The following CNIH3 variants were observed in gnomAD, a reference collection of about 807,000 sequenced individuals.
CNIH3 encodes protein cornichon homolog 3.
Under a neutral mutation model 24.1 loss-of-function variants are expected in CNIH3, and 14 were observed. That is an observed-to-expected ratio of 0.58 (90% CI 0.38 to 0.91). CNIH3 has a LOEUF of 0.91. Ranked by LOEUF, CNIH3 falls within the 40% of genes least tolerant of loss-of-function variation. The pLI is 0.00. For missense variants in CNIH3, 178 were observed against 196.8 expected, an observed-to-expected ratio of 0.90 and a Z score of 0.57; for synonymous variants, 68 against 73.8, an observed-to-expected ratio of 0.92 and a Z score of 0.40.
chr1:224,565,720 G>A (rs2201937), intron 3 of CNIH3: 90,456 of 152,612 alleles, frequency 0.59, 28,964 homozygotes, highest in African/African-American at 0.84. Context: ...TGAGCCCCCA[G>A]GCCTGGTGCT....
chr1:224,627,337 T>G (rs1353595621), intron 1 of CNIH3, among the ~76,000 whole-genome samples: 1 of 149,426 alleles, frequency 6.7e-6, no homozygotes. Context: ...GCAATTCTCC[T>G]GCCTCAGCCT....
intron 3 of CNIH3, among the ~76,000 whole-genome samples, chr1:224,598,893 G>A (rs145454353): frequency 1.2e-3 from 179 of 152,218 alleles, no homozygotes; most frequent in African/African-American, 4.1e-3. Flanking sequence ...ACTTTATTGT[G>A]GTGGTCTGCA....
In CNIH3 at chr1:224,617,258, G is replaced by A. The variant is rs1683052965; in HGVS notation, c.81+3G>A. 1 of 1,613,774 alleles carries A rather than the reference G, an allele frequency of 6.2e-7. No homozygotes were observed. The highest frequency in any genetic ancestry group is 1.7e-5 in the Admixed American group (1 of 59,950). ...TCATCTTCTTCGCCATCTGGCACGT[G>A]AGTAACACGCTTTGGTCTCTCTTCT... On this transcript the variant is annotated splice_donor_region_variant and intron_variant, in intron 1 of 5. Transcript: ENST00000272133.
intron 1 of CNIH3, among the ~76,000 whole-genome samples, chr1:224,626,166 C>T (rs1475303023): frequency 2.6e-5 from 4 of 152,196 alleles, no homozygotes; most frequent in Non-Finnish European, 5.9e-5. Flanking sequence ...GTGAGCTCTG[C>T]TACAAATAGT....
rs1387025116 is a variant in CNIH3 at position 224,734,718 on chromosome 1, C to T, written c.455+12C>T. 1 of 1,613,506 alleles carries T rather than the reference C, an allele frequency of 6.2e-7. No homozygotes were observed. The highest frequency in any genetic ancestry group is 1.1e-5 in the South Asian group (1 of 91,056). ...TACTACCTTTACTGGTGAGTATCTGCCCCTCCTGGTGGTTTTGACTCCTGC... is the reference window on the plus strand; with the variant it reads ...TACTACCTTTACTGGTGAGTATCTGTCCCTCCTGGTGGTTTTGACTCCTGC... On this transcript the variant is annotated intron_variant, in intron 5 of 5. Transcript: ENST00000272133.
intron 1 of CNIH3, among the ~76,000 whole-genome samples, chr1:224,462,182 G>T: frequency 6.6e-6 from 1 of 152,004 alleles, no homozygotes; most frequent in Non-Finnish European, 1.5e-5. Flanking sequence ...TCAGTCCATA[G>T]TTTACAGTAG....
rs71170028 is a variant in CNIH3 at position 224,674,272 on chromosome 1, G to GTTTTTTTTTTTT, written c.82-6662_82-6651dup. ...AATCGTTTCTTCATCTTCCAGGAAG[G>GTTTTTTTTTTTT]TTTTTTTTTTTTTTTTTTTTTTTTT... On this transcript the variant is annotated intron_variant, in intron 1 of 5. Coordinates refer to ENST00000272133, the MANE Select transcript of CNIH3 (RefSeq NM_152495.2). Among the ~76,000 whole-genome samples the GTTTTTTTTTTTT allele has an allele frequency of 2.9e-4, 21 of 72,078 alleles. 2 individuals are homozygous for GTTTTTTTTTTTT. The highest frequency in any genetic ancestry group is 4.3e-4 in the African/African-American group (8 of 18,654). The allele number at this position is 72,078 out of a possible 152,430, so 47.3% of individuals were successfully genotyped here.
At chr1:224,661,565 G>A in intron 1 of CNIH3, 1 of 375,478 alleles carries the variant, frequency 2.7e-6, no homozygotes. Context: ...AATGGAAATG[G>A]GTCTCTTCCA....
chr1:224,592,119 A>G (rs1212439824), downstream of CNIH3, among the ~76,000 whole-genome samples: 2 of 150,716 alleles, frequency 1.3e-5, no homozygotes, highest in Admixed American at 6.6e-5. Flanking sequence ...GTATGTGTGT[A>G]TGTGTGTGTG....
At chr1:224,672,300 T>C (rs1343304431) in intron 1 of CNIH3, among the ~76,000 whole-genome samples, 1 of 152,220 alleles carries the variant, frequency 6.6e-6, no homozygotes. Flanking sequence ...TCTTTCATGC[T>C]AACATTTTCA....
Position 224,507,949 on chromosome 1 carries a change from G to A in CNIH3, n.204-7792G>A, listed in dbSNP as rs191882589. 3.8e-4 allele frequency among the ~76,000 whole-genome samples: 58 copies of A among 152,314 alleles called. 1 individual carries two copies. The East Asian group carries it at 6.4e-3, about 17-fold the overall frequency. ...CAAGGGGTTAAGCATTTCTGCATAC[G>A]CTAGACAACTCCTCATTGTTTTATA... On this transcript the variant is annotated intron_variant and non_coding_transcript_variant, in intron 1 of 5. Coordinates refer to the CNIH3 transcript ENST00000471578.
At chr1:224,550,729 T>C (rs933939667) in intron 3 of CNIH3, among the ~76,000 whole-genome samples, 8 of 152,094 alleles carry the variant, frequency 5.3e-5, no homozygotes, top group African/African-American at 1.9e-4. Flanking sequence ...ATACTTTAAG[T>C]TTTAGGGTAC....
At chr1:224,574,570 C>G (rs1680954070) in intron 4 of CNIH3, 2 of 772,706 alleles carry the variant, frequency 2.6e-6, no homozygotes, top group Non-Finnish European at 4.8e-6. Context: ...ATCGACTGTG[C>G]CCACGTGTAC....
Position 224,656,448 on chromosome 1 carries a change from A to T in CNIH3, c.82-24510A>T, listed in dbSNP as rs534011916. ...TCCTGATTCATACATCCCACATGCGAAAAGCTAGGGTCTAGGGGAGAACAA... is the reference window on the plus strand; with the variant it reads ...TCCTGATTCATACATCCCACATGCGTAAAGCTAGGGTCTAGGGGAGAACAA... On this transcript the variant is annotated intron_variant, in intron 1 of 5. Coordinates refer to ENST00000272133, the MANE Select transcript of CNIH3 (RefSeq NM_152495.2). Among the ~76,000 whole-genome samples, 15 of 152,316 alleles carry T rather than the reference A, an allele frequency of 9.8e-5. No individual in the cohort carries two copies. In the East Asian group the frequency reaches 2.7e-3, roughly 27 times the overall value.
At chr1:224,734,748 A>G in intron 5 of CNIH3, 42 bp downstream of exon 5, 2 of 1,607,514 alleles carry the variant, frequency 1.2e-6, no homozygotes, top group Non-Finnish European at 1.7e-6. Context: ...TCCTGCAGCA[A>G]AAGGAAGAGA....
chr1:224,510,546 A>G (rs1239135651), intron 1 of CNIH3, among the ~76,000 whole-genome samples: 1 of 149,856 alleles, frequency 6.7e-6, no homozygotes, highest in Non-Finnish European at 1.5e-5. Flanking sequence ...GTAGTGAGCC[A>G]TGATCATGCC....
chr1:224,538,358 G>T (rs712082), downstream of CNIH3, among the ~76,000 whole-genome samples: 44,448 of 151,992 alleles, frequency 0.29, 8,411 homozygotes, highest in African/African-American at 0.54. Flanking sequence ...GGTAGTTTTT[G>T]GCACCATAAC....
chr1:224,575,039 C>A, intron 4 of CNIH3: 1 of 881,916 alleles, frequency 1.1e-6, no homozygotes, highest in East Asian at 2.4e-5. Context: ...TCCAGTACTG[C>A]CAGTCCAAAG....
At chr1:224,700,052 G>A (rs1423592970) in intron 3 of CNIH3, among the ~76,000 whole-genome samples, 1 of 152,172 alleles carries the variant, frequency 6.6e-6, no homozygotes, top group Non-Finnish European at 1.5e-5. Flanking sequence ...CCACTGCACT[G>A]TAGGAAGGCG....
Sources: gnomAD v4.1 joint callset for allele counts (sites outside exome capture counted in the v4.1 genomes callset) on GRCh38, gnomAD v4.1.1 for gene constraint, MANE v1.5 for transcripts, NCBI Gene and HGNC (gene_info 2026-07-23, HGNC 2026-07-21) for gene names.